The following ULK4 variants were observed in gnomAD, a reference collection of about 807,000 sequenced individuals.
ULK4 encodes unc-51 like kinase 4.
ULK4 carries 133 observed loss-of-function variants against 160.6 expected under a neutral mutation model. The observed-to-expected ratio is 0.83, with a 90% CI of 0.72 to 0.96. ULK4 has a LOEUF of 0.96. Ranked by LOEUF, ULK4 falls within the 40% of genes least tolerant of loss-of-function variation. The probability of loss-of-function intolerance (pLI) is 0.00; values close to 1 mark genes in which losing one functional copy is unlikely to be tolerated. For synonymous variants in ULK4, 534 were observed against 539.8 expected (o/e 0.99, Z 0.15); for missense variants, 1,580 against 1,499.5 (o/e 1.05, Z -0.89).
intron 34 of ULK4, among the ~76,000 whole-genome samples, chr3:41,410,253 T>A (rs922761278): frequency 1.3e-5 from 2 of 152,158 alleles, no homozygotes; most frequent in African/African-American, 2.4e-5. Flanking sequence ...TTATTCATAA[T>A]AGCCAAAAAG....
At chr3:41,911,980 T>C (rs1384707881) in intron 9 of ULK4, among the ~76,000 whole-genome samples, 4 of 150,010 alleles carry the variant, frequency 2.7e-5, no homozygotes, top group Non-Finnish European at 4.4e-5. Flanking sequence ...TAGTGAGACC[T>C]TGTCTCTACT....
intron 22 of ULK4, among the ~76,000 whole-genome samples, chr3:41,733,331 T>G (rs1226075584): frequency 6.6e-6 from 1 of 152,042 alleles, no homozygotes; most frequent in Non-Finnish European, 1.5e-5. Flanking sequence ...GTGTTGTCTC[T>G]GAAACCATTT....
chr3:41,824,281 C>A (rs1043395786), intron 18 of ULK4, among the ~76,000 whole-genome samples: 8 of 151,860 alleles, frequency 5.3e-5, no homozygotes, highest in African/African-American at 1.9e-4. Flanking sequence ...AACTGAGGTA[C>A]CAGGTTCATC....
At chr3:41,579,088 G>A (rs1483005471) in intron 31 of ULK4, among the ~76,000 whole-genome samples, 1 of 152,176 alleles carries the variant, frequency 6.6e-6, no homozygotes, top group African/African-American at 2.4e-5. Flanking sequence ...CGAAGCACCA[G>A]CCGTACAAGT....
intron 17 of ULK4, among the ~76,000 whole-genome samples, chr3:41,874,294 T>C (rs1463702395): frequency 3.3e-5 from 5 of 152,140 alleles, no homozygotes; most frequent in South Asian, 4.1e-4. Context: ...GCCTTTGAAA[T>C]AGATTCATCA....
rs372575489 is a variant in ULK4 at position 41,638,210 on chromosome 3, T to C, written c.3072-22493A>G. Among the ~76,000 whole-genome samples the C allele has an allele frequency of 2.7e-4, 41 of 152,342 alleles. No homozygotes were observed. The South Asian group carries it at 7.9e-3, about 29-fold the overall frequency. ...TGTTTTTTAAAAGTATGTTGTTATCTTAATGAAATTTTCTTTTATTATTAA... is the reference window on the plus strand; with the variant it reads ...TGTTTTTTAAAAGTATGTTGTTATCCTAATGAAATTTTCTTTTATTATTAA... On this transcript the variant is annotated intron_variant, in intron 30 of 36. Coordinates refer to ENST00000301831, the MANE Select transcript of ULK4 (RefSeq NM_017886.4).
intron 34 of ULK4, among the ~76,000 whole-genome samples, chr3:41,427,284 CA>C (rs1190357487): frequency 6.6e-6 from 1 of 151,984 alleles, no homozygotes; most frequent in East Asian, 1.9e-4. Flanking sequence ...GCCTACCAAA[CA>C]AAAAAAGCCC....
At position 41,938,137 on chromosome 3, in the gene ULK4, T is replaced by C; in HGVS notation, c.199A>G (p.Thr67Ala). 2 of 1,613,554 alleles carry C rather than the reference T, an allele frequency of 1.2e-6. No individual in the cohort carries two copies. Among genetic ancestry groups the C allele is most frequent in the Non-Finnish European group, 1.7e-6 (2 of 1,179,698 alleles). The change falls in exon 3 of 37, where the codon ACA (threonine) becomes GCA (alanine). Residue 67 changes from threonine (T) to alanine (A), a missense_variant. Physicochemically the swap from Thr to Ala is moderately conservative, Grantham distance 58. Transcript: ENST00000301831. ...NIVTFHEWYE[T>A]SNHLWLVVEL... is the part of the protein sequence containing the mutation. ...ACCACTAGCCAGAGGTGGTTGCTTG[T>C]TTCATACCATTCATGAAAAGTTACA...
chr3:41,475,707 G>T (rs1452749710), intron 32 of ULK4, among the ~76,000 whole-genome samples: 1 of 152,054 alleles, frequency 6.6e-6, no homozygotes, highest in Non-Finnish European at 1.5e-5. Context: ...CAATTTCCAG[G>T]CCACTGATAA....
chr3:41,753,165 G>C (rs1331673072), intron 22 of ULK4, among the ~76,000 whole-genome samples: 1 of 152,130 alleles, frequency 6.6e-6, no homozygotes, highest in African/African-American at 2.4e-5. Context: ...GCTCCAGTGA[G>C]CCATGATTAC....
chr3:41,577,592 T>TC (rs1356638480), intron 31 of ULK4, among the ~76,000 whole-genome samples: 1 of 151,318 alleles, frequency 6.6e-6, no homozygotes, highest in African/African-American at 2.4e-5. Context: ...CCATTAACCA[T>TC]CCCCACCTCC....
chr3:41,269,944 C>A (rs941725800), intron 35 of ULK4, among the ~76,000 whole-genome samples: 1 of 152,102 alleles, frequency 6.6e-6, no homozygotes, highest in Non-Finnish European at 1.5e-5. Context: ...AATGAAAATA[C>A]TATTATCAGT....
At chr3:41,681,701 T>C in intron 28 of ULK4, 49 bp from the exon 29 acceptor site, 1 of 1,613,772 alleles carries the variant, frequency 6.2e-7, no homozygotes, top group Non-Finnish European at 8.5e-7. Context: ...GGAGACAGAA[T>C]GAAAATAGAA....
intron 30 of ULK4, among the ~76,000 whole-genome samples, chr3:41,647,832 G>T (rs529616906): frequency 3.3e-5 from 5 of 151,198 alleles, no homozygotes; most frequent in Admixed American, 2.0e-4. Flanking sequence ...GCCTCCTTGA[G>T]CTGTGGTGGG....
chr3:41,273,754 G>A (rs2079180646), intron 35 of ULK4, among the ~76,000 whole-genome samples: 1 of 152,104 alleles, frequency 6.6e-6, no homozygotes, highest in African/African-American at 2.4e-5. Flanking sequence ...TGAATGGCTT[G>A]GGGCTATTCT....
intron 32 of ULK4, among the ~76,000 whole-genome samples, chr3:41,480,206 CAAA>C (rs60805184): frequency 0.021 from 1,992 of 97,140 alleles, 28 homozygotes; most frequent in African/African-American, 0.064. Flanking sequence ...GACTCCGTAT[CAAA>C]AAAAAAAAAA....
chr3:41,366,648 G>T (rs554307024), intron 35 of ULK4, among the ~76,000 whole-genome samples: 2 of 151,948 alleles, frequency 1.3e-5, no homozygotes, highest in South Asian at 4.2e-4. Flanking sequence ...ACTTATATCT[G>T]TATATGTCTA....
At chr3:41,555,319 C>A (rs377373240) in intron 32 of ULK4, among the ~76,000 whole-genome samples, 61 of 140,364 alleles carry the variant, frequency 4.3e-4, no homozygotes, top group Admixed American at 7.8e-4. Flanking sequence ...AACAAATGTA[C>A]AAAAAAAAAA....
At chr3:41,431,547 C>CTTTTTTTTTTCTTTTTTTTTTTTTTT (rs2082909757) in intron 34 of ULK4, among the ~76,000 whole-genome samples, 1 of 95,854 alleles carries the variant, frequency 1.0e-5, no homozygotes, top group Non-Finnish European at 2.0e-5. Context: ...AATTCCCTCC[C>CTTTTTTTTTTCTTTTTTTTTTTTTTT]TTTTTTTTTT....
Sources: gnomAD v4.1 joint callset for allele counts (sites outside exome capture counted in the v4.1 genomes callset) on GRCh38, gnomAD v4.1.1 for gene constraint, MANE v1.5 for transcripts, NCBI Gene and HGNC (gene_info 2026-07-23, HGNC 2026-07-21) for gene names.